PPP3CA: variants seen among roughly 807,000 people sequenced by gnomAD.
PPP3CA encodes CAM-PRP catalytic subunit.
In PPP3CA, 14 loss-of-function variants were observed where a neutral mutation model predicts 66.5. The ratio of observed to expected loss-of-function variants is 0.21; its 90% confidence interval spans 0.14 to 0.33. The LOEUF (loss-of-function observed/expected upper bound fraction) is 0.33, where lower values mean the gene tolerates loss of function less well. Among genes scored for constraint, PPP3CA ranks in the 10% least tolerant of loss-of-function variants. The pLI is 1.00. For missense variants in PPP3CA, 317 were observed against 639.5 expected, an observed-to-expected ratio of 0.50 and a Z score of 5.44; for synonymous variants, 232 against 226.2, an observed-to-expected ratio of 1.03 and a Z score of -0.23.
intron 1 of PPP3CA, chr4:101,330,314 G>C: frequency 2.3e-6 from 1 of 443,616 alleles, no homozygotes; most frequent in South Asian, 1.7e-5. Context: ...AATGGATAAG[G>C]AGTTGCTTCT....
intron 1 of PPP3CA, among the ~76,000 whole-genome samples, chr4:101,265,906 A>C (rs1016541613): frequency 7.9e-5 from 12 of 152,166 alleles, no homozygotes; most frequent in African/African-American, 2.9e-4. Flanking sequence ...AAGATAATGC[A>C]GCTCACATGC....
At chr4:101,184,601 A>G (rs1010900021) in intron 2 of PPP3CA, among the ~76,000 whole-genome samples, 1 of 151,500 alleles carries the variant, frequency 6.6e-6, no homozygotes, top group Admixed American at 6.6e-5. Context: ...ACATTATTAA[A>G]AATAATTTCA....
At chr4:101,236,468 T>C (rs888755139) in intron 1 of PPP3CA, among the ~76,000 whole-genome samples, 7 of 151,870 alleles carry the variant, frequency 4.6e-5, no homozygotes, top group Non-Finnish European at 8.8e-5. Flanking sequence ...GAATATATAT[T>C]GAAGTACAAT....
intron 5 of PPP3CA, 113 bp downstream of exon 5, chr4:101,098,254 A>G: frequency 2.5e-6 from 3 of 1,200,268 alleles, no homozygotes. Flanking sequence ...TGACCACTTT[A>G]AATTATTTGA....
At chr4:101,241,918 A>C (rs954401219) in intron 1 of PPP3CA, among the ~76,000 whole-genome samples, 9 of 152,138 alleles carry the variant, frequency 5.9e-5, no homozygotes, top group Non-Finnish European at 1.2e-4. Flanking sequence ...TAGTATTTTC[A>C]GGTAAAATCA....
Position 101,207,504 on chromosome 4 carries a change from A to T in PPP3CA, c.59-11388T>A, listed in dbSNP as rs147924354. On this transcript the variant is annotated intron_variant, in intron 1 of 13. Transcript: ENST00000394854. ...AATCTTACCAGTAGACACAAATGAAAAATTTATTGAGAAATACAGCTGTTA... is the reference window on the plus strand; with the variant it reads ...AATCTTACCAGTAGACACAAATGAATAATTTATTGAGAAATACAGCTGTTA... Among the ~76,000 whole-genome samples, 3 of 152,302 alleles carry T rather than the reference A, an allele frequency of 2.0e-5. No homozygotes were observed. The East Asian group carries it at 5.8e-4, about 29-fold the overall frequency.
chr4:101,153,541 C>A (rs1266426552), intron 2 of PPP3CA, among the ~76,000 whole-genome samples: 2 of 152,142 alleles, frequency 1.3e-5, no homozygotes, highest in African/African-American at 4.8e-5. Flanking sequence ...GTTTGTTTAG[C>A]TGCTAAAAGA....
intron 1 of PPP3CA, among the ~76,000 whole-genome samples, chr4:101,262,798 C>T (rs189802011): frequency 3.4e-4 from 51 of 152,144 alleles, no homozygotes; most frequent in Non-Finnish European, 6.3e-4. Flanking sequence ...AACTATCCAC[C>T]TGACCACCTT....
chr4:101,299,429 C>G (rs541745230), intron 1 of PPP3CA, among the ~76,000 whole-genome samples: 3 of 151,518 alleles, frequency 2.0e-5, no homozygotes, highest in Admixed American at 6.6e-5. Flanking sequence ...ACAATGTTGC[C>G]CAGGCTGGTC....
At chr4:101,299,466 C>A (rs1024933631) in intron 1 of PPP3CA, among the ~76,000 whole-genome samples, 6 of 151,878 alleles carry the variant, frequency 4.0e-5, no homozygotes, top group Middle Eastern at 6.8e-3. Context: ...CCTCTGCCTG[C>A]CAAGTAACTG....
At chr4:101,097,843 C>T (rs1250904263) in intron 5 of PPP3CA, among the ~76,000 whole-genome samples, 1 of 152,130 alleles carries the variant, frequency 6.6e-6, no homozygotes, top group Non-Finnish European at 1.5e-5. Context: ...AAACTTCTTA[C>T]AAATACTTCT....
intron 2 of PPP3CA, among the ~76,000 whole-genome samples, chr4:101,192,006 A>G (rs1724620241): frequency 1.3e-5 from 2 of 152,188 alleles, no homozygotes; most frequent in Non-Finnish European, 2.9e-5. Flanking sequence ...GTTCTAAATC[A>G]TTCTATTCAA....
chr4:101,063,186 T>C (rs746264506), intron 9 of PPP3CA, 46 bp downstream of exon 9: 1 of 1,591,862 alleles, frequency 6.3e-7, no homozygotes, highest in Non-Finnish European at 8.6e-7. Flanking sequence ...CTTTCCTTCC[T>C]TCCTAAACTA....
At chr4:101,271,778 T>C (rs2110267010) in intron 1 of PPP3CA, among the ~76,000 whole-genome samples, 1 of 152,118 alleles carries the variant, frequency 6.6e-6, no homozygotes, top group South Asian at 2.1e-4. Flanking sequence ...CATAAACTAA[T>C]ATAGTGTAGA....
chr4:101,180,658 C>T (rs903035721), intron 2 of PPP3CA, among the ~76,000 whole-genome samples: 1 of 152,044 alleles, frequency 6.6e-6, no homozygotes, highest in Non-Finnish European at 1.5e-5. Context: ...CAACAATATT[C>T]TCATACTGGG....
chr4:101,198,954 C>A (rs1259435563), intron 1 of PPP3CA, among the ~76,000 whole-genome samples: 1 of 152,112 alleles, frequency 6.6e-6, no homozygotes, highest in Admixed American at 6.6e-5. Context: ...TGGAAGGGAT[C>A]CTGATGAGAC....
At chr4:101,200,983 G>A (rs977659977) in intron 1 of PPP3CA, among the ~76,000 whole-genome samples, 11 of 152,032 alleles carry the variant, frequency 7.2e-5, no homozygotes, top group African/African-American at 2.7e-4. Context: ...ACTGAGATAT[G>A]CTGCAAATCC....
chr4:101,137,925 TA>T (rs1194459602), intron 2 of PPP3CA, among the ~76,000 whole-genome samples: 1 of 141,152 alleles, frequency 7.1e-6, no homozygotes, highest in Non-Finnish European at 1.5e-5. Context: ...CACAAAAAAA[TA>T]AAAAATTCAA....
intron 10 of PPP3CA, among the ~76,000 whole-genome samples, chr4:101,045,286 T>TG (rs1232362870): frequency 6.6e-6 from 1 of 152,202 alleles, no homozygotes; most frequent in Non-Finnish European, 1.5e-5. Context: ...AAAGTAGCAG[T>TG]GGTACACTGG....
Sources: gnomAD v4.1 joint callset for allele counts (sites outside exome capture counted in the v4.1 genomes callset) on GRCh38, gnomAD v4.1.1 for gene constraint, MANE v1.5 for transcripts, NCBI Gene and HGNC (gene_info 2026-07-23, HGNC 2026-07-21) for gene names.